Variants in SNX29 observed in about 807,000 individuals in gnomAD.
SNX29 encodes the protein sorting nexin 29.
In SNX29, 78 loss-of-function variants were observed where a neutral mutation model predicts 102.1. That is an observed-to-expected ratio of 0.76 (90% CI 0.64 to 0.92). SNX29 has a LOEUF of 0.92. Ranked by LOEUF, SNX29 falls within the 40% of genes least tolerant of loss-of-function variation. SNX29 has a pLI of 0.00. For synonymous variants in SNX29, 580 were observed against 414.5 expected (o/e 1.40, Z -4.85); for missense variants, 1,280 against 1,061.7 (o/e 1.21, Z -2.86).
rs2079216625 is a variant in SNX29, at chr16:12,572,833, C to G, written c.*4204C>G. ...TGGTTAGGAGGCATCCCAGAAGGGGCAGCCTCATGCCCAGGTTTCAGCCCT... is the reference window on the plus strand; with the variant it reads ...TGGTTAGGAGGCATCCCAGAAGGGGGAGCCTCATGCCCAGGTTTCAGCCCT... On this transcript the variant is annotated 3_prime_UTR_variant, in exon 21 of 21. Transcript: ENST00000566228. 9.4e-7 allele frequency: 1 copy of G among 1,063,724 alleles called. No homozygotes were observed. Among genetic ancestry groups the G allele is most frequent in the African/African-American group, 1.6e-5 (1 of 61,106 alleles). 65.9% of individuals were successfully genotyped at this position (1,063,724 alleles called of 1,614,324 possible). A position where few individuals can be genotyped will look rare whatever the true frequency, so the allele number is the denominator to read the frequency against.
chr16:12,458,941 A>T (rs1198444011), intron 18 of SNX29, among the ~76,000 whole-genome samples: 1 of 152,074 alleles, frequency 6.6e-6, no homozygotes, highest in Non-Finnish European at 1.5e-5. Context: ...AAACAAAACA[A>T]TTTTTTGCCT....
intron 14 of SNX29, among the ~76,000 whole-genome samples, chr16:12,204,888 T>G (rs1420126298): frequency 6.6e-6 from 1 of 152,118 alleles, no homozygotes; most frequent in East Asian, 1.9e-4. Context: ...TGCTTTGTGC[T>G]CTGGGGTGTT....
intron 13 of SNX29, among the ~76,000 whole-genome samples, chr16:12,166,879 G>C (rs984343478): frequency 5.3e-5 from 8 of 152,148 alleles, no homozygotes; most frequent in Admixed American, 2.0e-4. Context: ...CTATTTATAT[G>C]CTTATTTTGC....
chr16:12,063,755 C>T (rs1315711288), intron 9 of SNX29, among the ~76,000 whole-genome samples: 1 of 151,730 alleles, frequency 6.6e-6, no homozygotes, highest in Non-Finnish European at 1.5e-5. Context: ...ACATGACCTT[C>T]CATACCAACT....
At chr16:12,487,196 G>A (rs967499170) in intron 19 of SNX29, among the ~76,000 whole-genome samples, 2 of 152,160 alleles carry the variant, frequency 1.3e-5, no homozygotes, top group African/African-American at 2.4e-5. Flanking sequence ...GGTTTGTTAG[G>A]TAAGGGGCAT....
At chr16:12,497,852 C>T (rs1207454535) in intron 19 of SNX29, among the ~76,000 whole-genome samples, 1 of 152,180 alleles carries the variant, frequency 6.6e-6, no homozygotes, top group Non-Finnish European at 1.5e-5. Context: ...TAGCTTGAGT[C>T]TCCTGCCTGT....
chr16:12,187,960 T>G (rs2141880039), intron 13 of SNX29, among the ~76,000 whole-genome samples: 1 of 152,296 alleles, frequency 6.6e-6, no homozygotes, highest in Admixed American at 6.5e-5. Context: ...CACCATGCCC[T>G]AGGAGTTAGC....
chr16:11,983,662 T>G (rs752718692), intron 1 of SNX29: 7 of 985,410 alleles, frequency 7.1e-6, no homozygotes, highest in Non-Finnish European at 8.4e-6. Context: ...GGCGATGGAC[T>G]AGGTCCTACT....
At chr16:12,174,476 C>A (rs944872617) in intron 13 of SNX29, among the ~76,000 whole-genome samples, 3 of 152,116 alleles carry the variant, frequency 2.0e-5, no homozygotes, top group Non-Finnish European at 4.4e-5. Flanking sequence ...CTGTTGCTGC[C>A]CATTTGAGCT....
At chr16:12,268,161 C>T (rs913609621) in intron 14 of SNX29, among the ~76,000 whole-genome samples, 1 of 152,236 alleles carries the variant, frequency 6.6e-6, no homozygotes, top group Non-Finnish European at 1.5e-5. Context: ...CATTTTCTCA[C>T]ACTTTAACTT....
At chr16:12,144,503 C>T (rs350269) in intron 13 of SNX29, among the ~76,000 whole-genome samples, 68,051 of 151,946 alleles carry the variant, frequency 0.45, 16,607 homozygotes, top group East Asian at 0.7. Flanking sequence ...AGGGGAGGTG[C>T]GATTCATGCT....
intron 16 of SNX29, among the ~76,000 whole-genome samples, chr16:12,394,986 C>T (rs945585210): frequency 8.5e-5 from 13 of 152,122 alleles, no homozygotes; most frequent in African/African-American, 2.7e-4. Context: ...GAAGGGTTCC[C>T]TGTTCATCTT....
intron 13 of SNX29, among the ~76,000 whole-genome samples, chr16:12,195,688 C>T (rs2076755203): frequency 6.6e-6 from 1 of 152,220 alleles, no homozygotes; most frequent in South Asian, 2.1e-4. Flanking sequence ...GCCCTGTTCA[C>T]TTAATTCGCT....
At chr16:12,565,876 C>G (rs920823907) in intron 20 of SNX29, among the ~76,000 whole-genome samples, 1 of 152,240 alleles carries the variant, frequency 6.6e-6, no homozygotes, top group Non-Finnish European at 1.5e-5. Flanking sequence ...CTGCTCAGAA[C>G]AACCTGAGTT....
At chr16:12,086,162 C>T (rs550729693) in intron 11 of SNX29, among the ~76,000 whole-genome samples, 200 of 152,222 alleles carry the variant, frequency 1.3e-3, no homozygotes, top group African/African-American at 4.4e-3. Flanking sequence ...CGCCACCACG[C>T]CTGGCTAATT....
intron 18 of SNX29, among the ~76,000 whole-genome samples, chr16:12,408,056 G>A (rs1018343356): frequency 2.0e-5 from 3 of 152,116 alleles, no homozygotes; most frequent in Admixed American, 6.5e-5. Flanking sequence ...TACTGGGGAG[G>A]CTGAGGCAGG....
At chr16:12,345,390 T>G (rs2081763756) in intron 15 of SNX29, among the ~76,000 whole-genome samples, 1 of 152,134 alleles carries the variant, frequency 6.6e-6, no homozygotes, top group South Asian at 2.1e-4. Flanking sequence ...TGTCTAAGAC[T>G]TCTGTGTGCG....
intron 15 of SNX29, among the ~76,000 whole-genome samples, chr16:12,343,842 G>A (rs977409785): frequency 6.6e-6 from 1 of 152,228 alleles, no homozygotes; most frequent in Non-Finnish European, 1.5e-5. Context: ...GACTGAATAA[G>A]TAAATGAATT....
chr16:12,566,204 A>G (rs543552380), intron 20 of SNX29, among the ~76,000 whole-genome samples: 3 of 152,220 alleles, frequency 2.0e-5, no homozygotes, highest in Non-Finnish European at 2.9e-5. Context: ...CCACCACAGT[A>G]CTAGGATATG....
Sources: gnomAD v4.1 joint callset for allele counts (sites outside exome capture counted in the v4.1 genomes callset) on GRCh38, gnomAD v4.1.1 for gene constraint, MANE v1.5 for transcripts, NCBI Gene and HGNC (gene_info 2026-07-23, HGNC 2026-07-21) for gene names.